The following C2CD2 variants were observed in gnomAD, a reference collection of about 807,000 sequenced individuals.
The protein encoded by C2CD2 is C2 calcium dependent domain containing 2, also known as C2 domain-containing protein 2.
Under a neutral mutation model 74.3 loss-of-function variants are expected in C2CD2, and 43 were observed. The ratio of observed to expected loss-of-function variants is 0.58; its 90% CI spans 0.45 to 0.75. The LOEUF (loss-of-function observed/expected upper bound fraction) is 0.75. C2CD2 is among the 30% of genes least tolerant of loss of function. The probability of loss-of-function intolerance (pLI) is 0.00; values close to 1 mark genes in which losing one functional copy is unlikely to be tolerated. For synonymous variants in C2CD2, 422 were observed against 390.7 expected (o/e 1.08, Z -0.94); for missense variants, 801 against 916.3 (o/e 0.87, Z 1.63).
intron 2 of C2CD2, 49 bp downstream of exon 2, chr21:41,942,098 C>T: frequency 6.5e-7 from 1 of 1,542,940 alleles, no homozygotes; most frequent in South Asian, 1.2e-5. Context: ...CTCCCCGTCC[C>T]CGGCATCAAG....
At chr21:41,891,086 G>A (rs564533683) in intron 13 of C2CD2, among the ~76,000 whole-genome samples, 1 of 151,974 alleles carries the variant, frequency 6.6e-6, no homozygotes, top group East Asian at 1.9e-4. Context: ...AAAGTTAGGA[G>A]CCTGTGTGCA....
At chr21:41,943,535 C>G (rs371081357) in intron 1 of C2CD2, among the ~76,000 whole-genome samples, 1 of 152,094 alleles carries the variant, frequency 6.6e-6, no homozygotes, top group Non-Finnish European at 1.5e-5. Flanking sequence ...CAATGAGCTC[C>G]GACTGGGTGG....
Position 41,885,353 on chromosome 21 carries a change from C to T in C2CD2, c.*3771G>A, listed in dbSNP as rs977015060. The T allele has an allele frequency of 2.6e-5, 4 of 152,530 alleles. No individual in the cohort carries two copies. The highest frequency in any genetic ancestry group is 6.5e-5 in the Admixed American group (1 of 15,276). 9.4% of individuals were successfully genotyped at this position (152,530 alleles called of 1,614,324 possible). A position where few individuals can be genotyped will look rare whatever the true frequency, so the allele number is the denominator to read the frequency against. ...TTCTTCTCTTTTTACAATGCAGTTTCGACATAACATTGGTAGAGTAAACAA... is the reference window on the plus strand; with the variant it reads ...TTCTTCTCTTTTTACAATGCAGTTTTGACATAACATTGGTAGAGTAAACAA... On this transcript the variant is annotated 3_prime_UTR_variant, in exon 14 of 14. Transcript: ENST00000380486.
intron 2 of C2CD2, among the ~76,000 whole-genome samples, chr21:41,940,158 T>C (rs1387373811): frequency 2.0e-5 from 3 of 152,132 alleles, no homozygotes. Flanking sequence ...GCCCCAAGAA[T>C]TTCAGGTAAG....
intron 2 of C2CD2, among the ~76,000 whole-genome samples, chr21:41,934,780 G>C (rs2065292395): frequency 6.6e-6 from 1 of 152,038 alleles, no homozygotes; most frequent in African/African-American, 2.4e-5. Context: ...GAGCCACACA[G>C]AGGAAGAGAA....
Position 41,892,001 on chromosome 21 carries a change from A to G in C2CD2, c.1871-2657T>C, listed in dbSNP as rs1428909997. Among the ~76,000 whole-genome samples, 1 of 149,346 alleles carries G rather than the reference A, an allele frequency of 6.7e-6. No individual in the cohort carries two copies. The highest frequency in any genetic ancestry group is 2.5e-5 in the African/African-American group (1 of 40,328). On this transcript the variant is annotated intron_variant, in intron 13 of 13. Coordinates refer to ENST00000380486, the MANE Select transcript of C2CD2 (RefSeq NM_015500.2). This position sits in a 1 kb window ranked among gnomAD's most constrained non-coding sequence, Gnocchi z 4.6. ...GGCTCCCCCACCCCCACCCAAATTC[A>G]TATGTTACAGTCCTAATCCCCAGTA...
chr21:41,944,521 CAAAAAAAAAAAA>C (rs369422328), intron 1 of C2CD2, among the ~76,000 whole-genome samples: 15 of 97,922 alleles, frequency 1.5e-4, no homozygotes, highest in African/African-American at 5.5e-4. Flanking sequence ...GACTCTGCCT[CAAAAAAAAAAAA>C]AAAAAAAAAG....
At chr21:41,897,035 G>A (rs996817947) in intron 13 of C2CD2, among the ~76,000 whole-genome samples, 4 of 152,212 alleles carry the variant, frequency 2.6e-5, no homozygotes, top group Non-Finnish European at 4.4e-5. Context: ...CTGAGCCTGC[G>A]TTGCAGGTGG....
At position 41,895,310 on chromosome 21, in the gene C2CD2, G is replaced by A. The variant is rs1340911077; in HGVS notation, c.1870+3743C>T. On this transcript the variant is annotated intron_variant, in intron 13 of 13. Transcript: ENST00000380486. This position sits in a 1 kb window ranked among gnomAD's most constrained non-coding sequence, Gnocchi z 5.0. Reference sequence around the variant, plus strand: ...GGGTTCTGCTTCTCTGGAGGACTGTGACTGATCCAGTAACTGATGGTCTGG... The same window carrying A: ...GGGTTCTGCTTCTCTGGAGGACTGTAACTGATCCAGTAACTGATGGTCTGG... Among the ~76,000 whole-genome samples, 1 of 152,142 alleles carries A rather than the reference G, an allele frequency of 6.6e-6. No homozygotes were observed. The highest frequency in any genetic ancestry group is 2.4e-5 in the African/African-American group (1 of 41,418).
At chr21:41,912,824 A>G (rs926352900) in intron 6 of C2CD2, among the ~76,000 whole-genome samples, 9 of 151,930 alleles carry the variant, frequency 5.9e-5, no homozygotes, top group Non-Finnish European at 1.2e-4. Flanking sequence ...AAGACATTGT[A>G]TGCATAGAAA....
At chr21:41,942,706 G>C (rs2065364981) in intron 1 of C2CD2, among the ~76,000 whole-genome samples, 1 of 152,154 alleles carries the variant, frequency 6.6e-6, no homozygotes, top group Non-Finnish European at 1.5e-5. Context: ...GTCTAGGAGA[G>C]GCACCTCTCC....
In C2CD2 at chr21:41,953,458, A is replaced by G; in HGVS notation, c.191T>C (p.Leu64Pro). ...EGPRPGSDAL[L>P]SWILTLGSWR... ...GCTGCCCAGCGTCAGGATCCAGGAG[A>G]GCAGCGCGTCGGACCCCGGGCGCGG... The change falls in exon 1 of 14, where the codon CTC (leucine) becomes CCC (proline). Residue 64 changes from leucine (L) to proline (P), a missense_variant. Transcript: ENST00000380486. 2 of 1,490,682 alleles carry G rather than the reference A, an allele frequency of 1.3e-6. No homozygotes were observed. The highest frequency in any genetic ancestry group is 1.8e-6 in the Non-Finnish European group (2 of 1,117,118). The allele number at this position is 1,490,682 out of a possible 1,614,324, so 92.3% of individuals were successfully genotyped here.
intron 2 of C2CD2, among the ~76,000 whole-genome samples, chr21:41,938,742 CTTT>C (rs58050288): frequency 4.3e-5 from 6 of 139,022 alleles, no homozygotes; most frequent in Admixed American, 7.2e-5. Flanking sequence ...CTTGCTTTCT[CTTT>C]TTTTTTTTTT....
At chr21:41,905,884 G>T in intron 10 of C2CD2, 47 bp from the exon 11 acceptor site, 2 of 1,021,172 alleles carry the variant, frequency 2.0e-6, no homozygotes, top group Non-Finnish European at 1.6e-6. Flanking sequence ...GTGGCTGACT[G>T]GATCAACAGT....
At chr21:41,900,834 C>T (rs757641055) in intron 12 of C2CD2, 14 of 152,220 alleles carry the variant, frequency 9.2e-5, no homozygotes, top group East Asian at 5.8e-4. Flanking sequence ...CAGTGGCTGA[C>T]GCCCGTAATC....
chr21:41,914,823 T>A (rs963192809), intron 5 of C2CD2, 102 bp from the exon 6 acceptor site: 1 of 1,005,748 alleles, frequency 9.9e-7, no homozygotes, highest in Non-Finnish European at 1.5e-6. Context: ...GGCAGTGGGG[T>A]GTCTACAGGA....
At chr21:41,898,179 G>A (rs904311339) in intron 13 of C2CD2, among the ~76,000 whole-genome samples, 1 of 152,232 alleles carries the variant, frequency 6.6e-6, no homozygotes, top group African/African-American at 2.4e-5. Flanking sequence ...CCACACAAGA[G>A]CCAGAGCCAG....
intron 1 of C2CD2, among the ~76,000 whole-genome samples, chr21:41,952,181 C>G (rs764397991): frequency 6.6e-6 from 1 of 152,254 alleles, no homozygotes; most frequent in Non-Finnish European, 1.5e-5. Flanking sequence ...AGTCAGTCAA[C>G]TGACCCTGAA....
At chr21:41,938,639 A>G (rs946657940) in intron 2 of C2CD2, among the ~76,000 whole-genome samples, 54 of 151,732 alleles carry the variant, frequency 3.6e-4, no homozygotes, top group African/African-American at 1.3e-3. Context: ...TAAGAAGTGG[A>G]CTCATACAGC....
Sources: gnomAD v4.1 joint callset for allele counts (sites outside exome capture counted in the v4.1 genomes callset) on GRCh38, gnomAD v4.1.1 for gene constraint, Gnocchi (gnomAD v3.1) non-coding constraint, MANE v1.5 for transcripts, NCBI Gene and HGNC (gene_info 2026-07-23, HGNC 2026-07-21) for gene names.